Variants in GRIK3 observed in about 807,000 individuals in gnomAD.
The protein encoded by GRIK3 is glutamate receptor ionotropic, kainate 3.
In GRIK3, 29 loss-of-function variants were observed where a neutral mutation model predicts 102.5. The observed-to-expected ratio is 0.28, with a 90% confidence interval of 0.21 to 0.39. The LOEUF is 0.39. Ranked by LOEUF, GRIK3 falls within the 10% of genes least tolerant of loss-of-function variation. GRIK3 has a pLI of 1.00. For synonymous variants in GRIK3, 511 were observed against 504.9 expected, an observed-to-expected ratio of 1.01 and a Z score of -0.16; for missense variants, 908 against 1,252.4, an observed-to-expected ratio of 0.73 and a Z score of 4.15.
chr1:36,898,397 G>A (rs1641197128), intron 1 of GRIK3, among the ~76,000 whole-genome samples: 1 of 152,074 alleles, frequency 6.6e-6, no homozygotes, highest in African/African-American at 2.4e-5. Flanking sequence ...ATTAAAAGAT[G>A]TTCTTTAGAG....
chr1:36,925,921 T>C (rs1348688943), intron 1 of GRIK3, among the ~76,000 whole-genome samples: 1 of 152,172 alleles, frequency 6.6e-6, no homozygotes, highest in Non-Finnish European at 1.5e-5. Context: ...TGAGTGCTCT[T>C]CCCTGAAAGT....
At chr1:36,996,320 C>T (rs971596936) in intron 1 of GRIK3, among the ~76,000 whole-genome samples, 3 of 152,222 alleles carry the variant, frequency 2.0e-5, no homozygotes, top group Admixed American at 1.3e-4. Flanking sequence ...TGAGATGACG[C>T]ACATTGAACA....
At chr1:36,809,315 C>T (rs1230383324) in intron 13 of GRIK3, among the ~76,000 whole-genome samples, 1 of 152,142 alleles carries the variant, frequency 6.6e-6, no homozygotes, top group Non-Finnish European at 1.5e-5. Context: ...TGACTATCCA[C>T]CTATCTATTA....
At chr1:36,815,318 C>T (rs781249565) in intron 13 of GRIK3, among the ~76,000 whole-genome samples, 8 of 151,862 alleles carry the variant, frequency 5.3e-5, no homozygotes, top group Non-Finnish European at 7.4e-5. Flanking sequence ...GGCTGGGCAG[C>T]GGGGAGGGGA....
intron 1 of GRIK3, among the ~76,000 whole-genome samples, chr1:37,031,795 G>C (rs138601328): frequency 6.6e-6 from 1 of 152,212 alleles, no homozygotes; most frequent in Non-Finnish European, 1.5e-5. Flanking sequence ...TCTCTCGCTC[G>C]CTCGCTCTTT....
intron 1 of GRIK3, among the ~76,000 whole-genome samples, chr1:36,947,708 G>A (rs1641800112): frequency 6.6e-6 from 1 of 152,062 alleles, no homozygotes; most frequent in Non-Finnish European, 1.5e-5. Flanking sequence ...AGCACTATCA[G>A]CAGCTGACAT....
chr1:36,888,313 G>A (rs1641065036), intron 2 of GRIK3, among the ~76,000 whole-genome samples: 1 of 152,304 alleles, frequency 6.6e-6, no homozygotes, highest in Admixed American at 6.5e-5. Context: ...TTTCATTTAT[G>A]TAAAGTTCAA....
chr1:36,872,381 T>C lies in GRIK3; in HGVS notation c.551-12A>G, dbSNP rs753497198. The C allele has an allele frequency of 5.7e-6, 9 of 1,573,068 alleles. No homozygotes were observed. The highest frequency in any genetic ancestry group is 5.2e-6 in the Non-Finnish European group (6 of 1,155,802). ...CAGTCGGATGAGCCCTGAGGGGCCA[T>C]GGAGCACAAAAGACACACGTGTACC... On this transcript the variant is annotated splice_polypyrimidine_tract_variant and intron_variant, in intron 3 of 15. Coordinates refer to ENST00000373091, the MANE Select transcript of GRIK3 (RefSeq NM_000831.4). This position sits in a 1 kb window ranked among gnomAD's most constrained non-coding sequence, Gnocchi z 5.9.
At chr1:36,984,280 T>C (rs934192154) in intron 1 of GRIK3, among the ~76,000 whole-genome samples, 5 of 152,214 alleles carry the variant, frequency 3.3e-5, no homozygotes, top group African/African-American at 1.2e-4. Flanking sequence ...TCTAATCTAA[T>C]GCTCACACCA....
intron 2 of GRIK3, among the ~76,000 whole-genome samples, chr1:36,885,069 T>C (rs1319914231): frequency 6.6e-6 from 1 of 152,220 alleles, no homozygotes; most frequent in African/African-American, 2.4e-5. Flanking sequence ...CTAAAGACCA[T>C]ATTGTGAGGC....
chr1:36,867,935 G>A (rs1640803527), intron 5 of GRIK3, among the ~76,000 whole-genome samples: 4 of 152,142 alleles, frequency 2.6e-5, no homozygotes. Context: ...TGAAGCTTTG[G>A]CCCCTCAGCC....
At chr1:37,006,707 G>A (rs1177586202) in intron 1 of GRIK3, among the ~76,000 whole-genome samples, 10 of 152,226 alleles carry the variant, frequency 6.6e-5, no homozygotes, top group South Asian at 6.2e-4. Context: ...AGTTACCTGC[G>A]GGCGCCGCAG....
Position 36,922,869 on chromosome 1 carries a change from A to C in GRIK3, c.116-31773T>G, listed in dbSNP as rs182063566. On this transcript the variant is annotated intron_variant, in intron 1 of 15. Coordinates refer to ENST00000373091, the MANE Select transcript of GRIK3 (RefSeq NM_000831.4). Reference sequence around the variant, plus strand: ...AGCCTCTCCTGCAACCCAGAATCCAACAATAAAAGCAATGATCAAAGGCAA... The same window carrying C: ...AGCCTCTCCTGCAACCCAGAATCCACCAATAAAAGCAATGATCAAAGGCAA... Among the ~76,000 whole-genome samples the C allele has an allele frequency of 1.5e-4, 23 of 152,258 alleles. 1 individual carries two copies. The highest frequency in any genetic ancestry group is 5.1e-4 in the African/African-American group (21 of 41,568).
chr1:36,916,405 G>A (rs1641401195), intron 1 of GRIK3, among the ~76,000 whole-genome samples: 1 of 152,198 alleles, frequency 6.6e-6, no homozygotes, highest in East Asian at 1.9e-4. Flanking sequence ...GCAGAAACTT[G>A]CATAAGTAAT....
chr1:36,899,909 A>G (rs1297149872), intron 1 of GRIK3, among the ~76,000 whole-genome samples: 1 of 152,240 alleles, frequency 6.6e-6, no homozygotes, highest in African/African-American at 2.4e-5. Flanking sequence ...GAGCATCAGA[A>G]TACATGAGGC....
chr1:36,965,523 G>T (rs932896814), intron 1 of GRIK3, among the ~76,000 whole-genome samples: 1 of 152,134 alleles, frequency 6.6e-6, no homozygotes, highest in African/African-American at 2.4e-5. Flanking sequence ...CATAGCCAGG[G>T]GATAGATGAG....
intron 10 of GRIK3, among the ~76,000 whole-genome samples, chr1:36,833,347 A>G (rs1321535303): frequency 1.3e-5 from 2 of 151,904 alleles, no homozygotes; most frequent in Non-Finnish European, 2.9e-5. Flanking sequence ...CTTCCTTCTG[A>G]CCTGTCAGTG....
intron 1 of GRIK3, among the ~76,000 whole-genome samples, chr1:36,976,365 C>T (rs1263141438): frequency 2.7e-5 from 4 of 145,670 alleles, no homozygotes; most frequent in Non-Finnish European, 4.5e-5. Flanking sequence ...TATGAATGTG[C>T]ATTTTTTTTC....
chr1:36,881,926 G>A (rs1292442185), intron 2 of GRIK3, among the ~76,000 whole-genome samples: 1 of 152,036 alleles, frequency 6.6e-6, no homozygotes, highest in Non-Finnish European at 1.5e-5. Flanking sequence ...CATGCTAAGT[G>A]CATTCCTGCC....
Sources: allele counts gnomAD v4.1 joint callset (sites outside exome capture counted in the v4.1 genomes callset), GRCh38; gene constraint gnomAD v4.1.1; non-coding constraint Gnocchi (gnomAD v3.1); transcripts MANE v1.5; gene names NCBI Gene and HGNC (gene_info 2026-07-23, HGNC 2026-07-21).